ARFGEF3: variants seen among roughly 807,000 people sequenced by gnomAD.
The protein encoded by ARFGEF3 is brefeldin A-inhibited guanine nucleotide-exchange protein 3.
Under a neutral mutation model 221.7 loss-of-function variants are expected in ARFGEF3, and 96 were observed. The observed-to-expected ratio is 0.43, with a 90% CI of 0.37 to 0.51. The LOEUF is 0.51. ARFGEF3 is among the 20% of genes least tolerant of loss of function. The pLI, the probability that ARFGEF3 is intolerant of heterozygous loss-of-function variation, is 0.00. For synonymous variants in ARFGEF3, 1,145 were observed against 1,126.8 expected, an observed-to-expected ratio of 1.02 and a Z score of -0.32; for missense variants, 2,410 against 2,789.9, an observed-to-expected ratio of 0.86 and a Z score of 3.07.
At chr6:138,221,731 A>G (rs1024422178) in intron 4 of ARFGEF3, among the ~76,000 whole-genome samples, 1 of 152,252 alleles carries the variant, frequency 6.6e-6, no homozygotes, top group Non-Finnish European at 1.5e-5. Context: ...CTAAGGGCAT[A>G]TCTGATGAAT....
chr6:138,222,358 C>T (rs1274942070), intron 4 of ARFGEF3, among the ~76,000 whole-genome samples: 7 of 152,134 alleles, frequency 4.6e-5, no homozygotes, highest in African/African-American at 1.2e-4. Context: ...CCCCGTGGGC[C>T]GCAGGGTTGG....
In ARFGEF3 at chr6:138,270,427, G is replaced by GACAC. The variant is rs3044804; in HGVS notation, c.2128+6850_2128+6853dup. On this transcript the variant is annotated intron_variant, in intron 12 of 33. Transcript: ENST00000251691. ...GCTCTAACTTCAGGAATTTTACGTA[G>GACAC]ACACACACACACACACACACACACA... is the stretch of plus-strand genomic sequence containing the variant. Among the ~76,000 whole-genome samples, 746 of 139,494 alleles carry GACAC rather than the reference G, an allele frequency of 5.3e-3. 5 individuals are homozygous for GACAC. The highest frequency in any genetic ancestry group is 0.014 in the African/African-American group (520 of 37,218). The allele number at this position is 139,494 out of a possible 152,430, so 91.5% of individuals were successfully genotyped here. A position where few individuals can be genotyped will look rare whatever the true frequency, so the allele number is the denominator to read the frequency against.
chr6:138,286,377 G>T (rs1219975705), intron 15 of ARFGEF3, among the ~76,000 whole-genome samples: 1 of 151,362 alleles, frequency 6.6e-6, no homozygotes, highest in African/African-American at 2.4e-5. Context: ...ATGAACCCGG[G>T]AGGCGGAGCT....
chr6:138,162,364 G>A lies in ARFGEF3; in HGVS notation c.85+193G>A, dbSNP rs1456037418. ...CGTGGACATCAGCCGCCTCCCCTCC[G>A]GTCTCTTTCACTCTCCGAAACCTTC... On this transcript the variant is annotated intron_variant, in intron 1 of 33. Transcript: ENST00000251691. This position sits in a 1 kb window ranked among gnomAD's most constrained non-coding sequence, Gnocchi z 4.7. Among the ~76,000 whole-genome samples the A allele has an allele frequency of 5.9e-5, 9 of 152,162 alleles. No individual in the cohort carries two copies. Among genetic ancestry groups the A allele is most frequent in the African/African-American group, 2.2e-4 (9 of 41,450 alleles).
At chr6:138,333,842 T>G in intron 32 of ARFGEF3, 128 bp from the exon 33 acceptor site, 4 of 1,028,922 alleles carry the variant, frequency 3.9e-6, no homozygotes, top group South Asian at 1.7e-5. Flanking sequence ...ATGGAAGACA[T>G]TTGAGTAGAG....
At chr6:138,217,781 A>C in intron 4 of ARFGEF3, 2 of 660,676 alleles carry the variant, frequency 3.0e-6, no homozygotes, top group Non-Finnish European at 4.5e-6. Context: ...AATAGATAAT[A>C]ATCTATGAGT....
intron 14 of ARFGEF3, among the ~76,000 whole-genome samples, chr6:138,283,840 C>A (rs1034519397): frequency 2.6e-5 from 4 of 152,222 alleles, no homozygotes; most frequent in African/African-American, 9.6e-5. Flanking sequence ...TTCAGAGAAA[C>A]CAGTCTGTTT....
intron 29 of ARFGEF3, 94 bp from the exon 30 acceptor site, chr6:138,323,577 C>A: frequency 1.7e-6 from 2 of 1,148,268 alleles, no homozygotes; most frequent in Non-Finnish European, 2.5e-6. Flanking sequence ...TGCCAGTGCA[C>A]TCCAGGCTGG....
In ARFGEF3 at chr6:138,250,689, C is replaced by T. The variant is rs146889611; in HGVS notation, c.666-3191C>T. On this transcript the variant is annotated intron_variant, in intron 8 of 33. Transcript: ENST00000251691. ...AGGAGGGGTGGCTGCTTTGCCTTCA[C>T]GGCCTGCGGGTCCACGCCTGAGCGT... 1.2e-3 allele frequency among the ~76,000 whole-genome samples: 176 copies of T among 152,352 alleles called. 1 individual carries two copies. The highest frequency in any genetic ancestry group is 4.0e-3 in the African/African-American group (167 of 41,590).
intron 22 of ARFGEF3, among the ~76,000 whole-genome samples, chr6:138,302,123 C>G (rs754803543): frequency 6.6e-6 from 1 of 152,130 alleles, no homozygotes; most frequent in Non-Finnish European, 1.5e-5. Flanking sequence ...AAAACAGTGA[C>G]TAGAAACTGA....
chr6:138,194,627 T>C (rs1313681651), intron 2 of ARFGEF3, among the ~76,000 whole-genome samples: 1 of 152,164 alleles, frequency 6.6e-6, no homozygotes, highest in Non-Finnish European at 1.5e-5. Context: ...CAAGGTTAAG[T>C]AGACTGATTT....
At position 138,255,640 on chromosome 6, in the gene ARFGEF3, C is replaced by T. The variant is rs983449555; in HGVS notation, c.975C>T (p.Ile325=). ...SGPVARTIYY[I]AAELVRLVGS... ...CTGTGGCTCGGACTATCTATTACAT[C>T]GCAGCCGAGCTGGTCCGGCTGGTGG... The change falls in exon 10 of 34, where the codon ATC becomes ATT. Residue 325 remains isoleucine, a synonymous_variant. Transcript: ENST00000251691. 3 of 1,613,774 alleles carry T rather than the reference C, an allele frequency of 1.9e-6. No homozygotes were observed. Among genetic ancestry groups the T allele is most frequent in the East Asian group, 2.2e-5 (1 of 44,894 alleles).
chr6:138,263,228 G>A lies in ARFGEF3; in HGVS notation c.1745G>A (p.Cys582Tyr), dbSNP rs1778825401. ...PDITNFLSVD[C>Y]RTRSYGSRYS... ...ATAACTAACTTCCTGTCAGTAGACT[G>A]CAGGACAAGGTCCTATGGATCTAGG... Residue 582 changes from cysteine to tyrosine, a missense_variant, in exon 12 of 34, where the codon TGC (cysteine) becomes TAC (tyrosine). By Grantham distance (194) the Cys-to-Tyr change is radical. Coordinates refer to ENST00000251691, the MANE Select transcript of ARFGEF3 (RefSeq NM_020340.5). The A allele has an allele frequency of 9.3e-6, 15 of 1,614,038 alleles. No individual in the cohort carries two copies. The highest frequency in any genetic ancestry group is 1.3e-5 in the Non-Finnish European group (15 of 1,179,896).
chr6:138,308,102 G>A (rs1236232587), intron 23 of ARFGEF3, among the ~76,000 whole-genome samples: 2 of 152,212 alleles, frequency 1.3e-5, no homozygotes, highest in African/African-American at 4.8e-5. Flanking sequence ...GCCCATTAGA[G>A]ATCTAGCTGG....
intron 12 of ARFGEF3, among the ~76,000 whole-genome samples, chr6:138,271,465 C>T (rs181605222): frequency 6.6e-6 from 1 of 152,100 alleles, no homozygotes; most frequent in South Asian, 2.1e-4. Flanking sequence ...CATGGCACTT[C>T]CTATATGCCC....
At chr6:138,279,670 G>A (rs1163833128) in intron 13 of ARFGEF3, among the ~76,000 whole-genome samples, 1 of 152,242 alleles carries the variant, frequency 6.6e-6, no homozygotes, top group African/African-American at 2.4e-5. Flanking sequence ...CTCTGCTTCT[G>A]TTGGGGCTCC....
intron 2 of ARFGEF3, among the ~76,000 whole-genome samples, chr6:138,174,025 G>A (rs1317464750): frequency 6.6e-6 from 1 of 152,166 alleles, no homozygotes; most frequent in Non-Finnish European, 1.5e-5. Context: ...CCATATGAAT[G>A]AGACACAGCA....
At chr6:138,229,887 A>G (rs1319562461) in intron 5 of ARFGEF3, 35 bp downstream of exon 5, 2 of 1,559,494 alleles carry the variant, frequency 1.3e-6, no homozygotes, top group Non-Finnish European at 1.8e-6. Context: ...TCCTGTTCAC[A>G]GCTGCTTTAT....
At chr6:138,284,299 C>T (rs989304221) in intron 14 of ARFGEF3, among the ~76,000 whole-genome samples, 6 of 151,954 alleles carry the variant, frequency 3.9e-5, no homozygotes, top group Non-Finnish European at 5.9e-5. Flanking sequence ...AGTGAGACCC[C>T]GTCTCAAAAA....
Sources: gnomAD v4.1 joint callset for allele counts (sites outside exome capture counted in the v4.1 genomes callset) on GRCh38, gnomAD v4.1.1 for gene constraint, Gnocchi (gnomAD v3.1) non-coding constraint, MANE v1.5 for transcripts, NCBI Gene and HGNC (gene_info 2026-07-23, HGNC 2026-07-21) for gene names.